Variants in PARD3 observed in about 807,000 individuals in gnomAD.
PARD3 encodes par-3 family cell polarity regulator, also known as partitioning defective 3 homolog.
PARD3 carries 75 observed loss-of-function variants against 155.4 expected under a neutral mutation model. The observed-to-expected ratio is 0.48, with a 90% CI of 0.40 to 0.58. PARD3 has a LOEUF of 0.58. Ranked by LOEUF, PARD3 falls within the 20% of genes least tolerant of loss-of-function variation. The pLI, the probability that PARD3 is intolerant of heterozygous loss-of-function variation, is 0.00. For synonymous variants in PARD3, 576 were observed against 610.5 expected (o/e 0.94, Z 0.83); for missense variants, 1,642 against 1,721.7 (o/e 0.95, Z 0.82).
intron 1 of PARD3, among the ~76,000 whole-genome samples, chr10:34,786,904 C>CA (rs1475114380): frequency 6.6e-6 from 1 of 151,906 alleles, no homozygotes; most frequent in Non-Finnish European, 1.5e-5. Context: ...GTAGATCAAA[C>CA]AAAAAAACTG....
intron 2 of PARD3, among the ~76,000 whole-genome samples, chr10:34,577,277 C>G (rs901944923): frequency 6.6e-6 from 1 of 152,164 alleles, no homozygotes; most frequent in Admixed American, 6.5e-5. Context: ...ATTAATACAC[C>G]TGCAGAGTTT....
At chr10:34,448,627 G>A (rs1011658951) in intron 5 of PARD3, among the ~76,000 whole-genome samples, 5 of 151,918 alleles carry the variant, frequency 3.3e-5, no homozygotes, top group African/African-American at 9.7e-5. Flanking sequence ...AAGGGAGACC[G>A]TCTCCACAAA....
At chr10:34,294,372 G>A (rs927300599) in intron 20 of PARD3, among the ~76,000 whole-genome samples, 6 of 152,170 alleles carry the variant, frequency 3.9e-5, no homozygotes, top group Non-Finnish European at 8.8e-5. Flanking sequence ...TAGAGCAGAC[G>A]AAAGTCACAA....
Position 34,205,236 on chromosome 10 carries a change from G to C in PARD3, c.3419+64421C>G, listed in dbSNP as rs377344670. ...TGAGGTCACTGGGACTTTCAGGTGAGAATCAGCAGGAAATGAGATCTTTAA... is the reference window on the plus strand; with the variant it reads ...TGAGGTCACTGGGACTTTCAGGTGACAATCAGCAGGAAATGAGATCTTTAA... On this transcript the variant is annotated intron_variant, in intron 22 of 24. Coordinates refer to ENST00000374788, the MANE Select transcript of PARD3 (RefSeq NM_001184785.2). Among the ~76,000 whole-genome samples, 14 of 152,204 alleles carry C rather than the reference G, an allele frequency of 9.2e-5. 1 individual carries two copies. Among genetic ancestry groups the C allele is most frequent in the African/African-American group, 3.4e-4 (14 of 41,528 alleles).
At chr10:34,691,131 T>G (rs1002183780) in intron 2 of PARD3, among the ~76,000 whole-genome samples, 3 of 152,144 alleles carry the variant, frequency 2.0e-5, no homozygotes, top group Non-Finnish European at 4.4e-5. Context: ...GGCACCCAAA[T>G]AGGAAGAGAG....
At chr10:34,308,605 G>A (rs1957534956) in intron 20 of PARD3, among the ~76,000 whole-genome samples, 1 of 152,140 alleles carries the variant, frequency 6.6e-6, no homozygotes, top group African/African-American at 2.4e-5. Context: ...GCGGGGAGGG[G>A]GAATCCAGCA....
chr10:34,377,852 C>T, intron 10 of PARD3, 115 bp downstream of exon 10: 1 of 689,062 alleles, frequency 1.5e-6, no homozygotes, highest in Non-Finnish European at 2.2e-6. Flanking sequence ...ACGCATACTT[C>T]CGCTAAAATG....
rs1048076335 is a variant in PARD3 at position 34,222,798 on chromosome 10, G to A, written c.3419+46859C>T. 2.0e-5 allele frequency among the ~76,000 whole-genome samples: 3 copies of A among 152,162 alleles called. No individual in the cohort carries two copies. The East Asian group carries it at 5.8e-4, about 29-fold the overall frequency. On this transcript the variant is annotated intron_variant, in intron 22 of 24. Transcript: ENST00000374788. ...TTGCTCCTCTGTATTCCAAATCACA[G>A]CACGATAAGTCCAAGAAAGGAAACC...
At chr10:34,483,992 C>T (rs748359845) in intron 3 of PARD3, among the ~76,000 whole-genome samples, 4 of 152,096 alleles carry the variant, frequency 2.6e-5, no homozygotes, top group Non-Finnish European at 5.9e-5. Flanking sequence ...ATATTTTCTC[C>T]GGAAGGTATA....
chr10:34,338,742 C>T (rs1364283144), intron 16 of PARD3, among the ~76,000 whole-genome samples: 2 of 152,192 alleles, frequency 1.3e-5, no homozygotes, highest in East Asian at 1.9e-4. Flanking sequence ...AGTAAGATAG[C>T]AGGCAAAAGC....
rs1162377955 is a variant in PARD3 at position 34,517,048 on chromosome 10, T to C, written c.334A>G (p.Asn112Asp). The change falls in exon 3 of 25, where the codon AAT becomes GAT. Residue 112 changes from asparagine to aspartate, a missense_variant. Around this residue, in one of 3 missense-constraint regions of PARD3, gnomAD observed 1,529 missense variants for 1,587.3 expected, o/e 0.96. Coordinates refer to ENST00000374788, the MANE Select transcript of PARD3 (RefSeq NM_001184785.2). ...TGGTAAGGCTGAAAGGCTGAGACAT[T>C]GTTGGTGCCAAGCTCACTACCAAAT... is the stretch of plus-strand genomic sequence containing the variant. ...EIFGSELGTN[N>D]VSAFQPYQAT... The C allele has an allele frequency of 6.2e-7, 1 of 1,614,206 alleles. No homozygotes were observed. Among genetic ancestry groups the C allele is most frequent in the South Asian group, 1.1e-5 (1 of 91,082 alleles).
At chr10:34,307,340 C>T (rs1442411558) in intron 20 of PARD3, among the ~76,000 whole-genome samples, 1 of 152,040 alleles carries the variant, frequency 6.6e-6, no homozygotes, top group African/African-American at 2.4e-5. Flanking sequence ...AAGGCTGTCA[C>T]AAAGGGATGT....
intron 2 of PARD3, among the ~76,000 whole-genome samples, chr10:34,528,808 AG>A (rs2082645157): frequency 6.6e-6 from 1 of 152,168 alleles, no homozygotes; most frequent in Non-Finnish European, 1.5e-5. Context: ...AAGGACTAGG[AG>A]GGTAAACACT....
At chr10:34,392,099 A>G (rs542471811) in intron 7 of PARD3, among the ~76,000 whole-genome samples, 3 of 152,256 alleles carry the variant, frequency 2.0e-5, no homozygotes, top group East Asian at 3.9e-4. Flanking sequence ...CTGCCACCGT[A>G]CTCCAGCCTG....
intron 2 of PARD3, among the ~76,000 whole-genome samples, chr10:34,561,146 G>C (rs928781336): frequency 6.6e-6 from 1 of 152,066 alleles, no homozygotes; most frequent in African/African-American, 2.4e-5. Flanking sequence ...AAATTATACC[G>C]ACTCTAATCT....
intron 1 of PARD3, among the ~76,000 whole-genome samples, chr10:34,809,260 A>C (rs1417386298): frequency 2.6e-5 from 4 of 152,122 alleles, no homozygotes; most frequent in Non-Finnish European, 5.9e-5. Context: ...TCAGCTTTCT[A>C]TTTACTCAAC....
intron 4 of PARD3, among the ~76,000 whole-genome samples, chr10:34,454,528 A>G (rs2077231183): frequency 6.6e-6 from 1 of 152,210 alleles, no homozygotes; most frequent in Admixed American, 6.5e-5. Flanking sequence ...AAAAATTTTA[A>G]ATCAAATATA....
intron 2 of PARD3, among the ~76,000 whole-genome samples, chr10:34,695,320 C>T (rs1318097947): frequency 1.3e-5 from 2 of 151,136 alleles, no homozygotes; most frequent in Non-Finnish European, 2.9e-5. Flanking sequence ...ACTAAAAATA[C>T]AAAAATTAGC....
intron 22 of PARD3, among the ~76,000 whole-genome samples, chr10:34,193,866 T>G (rs1182239336): frequency 2.0e-5 from 3 of 152,156 alleles, no homozygotes; most frequent in Admixed American, 2.0e-4. Flanking sequence ...CTTTCCTGGT[T>G]TTCAATGCCC....
Sources: allele counts gnomAD v4.1 joint callset (sites outside exome capture counted in the v4.1 genomes callset), GRCh38; gene constraint gnomAD v4.1.1; regional missense constraint gnomAD v4.1.1; transcripts MANE v1.5; gene names NCBI Gene and HGNC (gene_info 2026-07-23, HGNC 2026-07-21).